Variants in CDKN2C observed in about 807,000 individuals in gnomAD.
The protein encoded by CDKN2C is cyclin-dependent kinase 4 inhibitor C.
CDKN2C carries 5 observed loss-of-function variants against 11.0 expected under a neutral mutation model. The observed-to-expected ratio is 0.45, with a 90% confidence interval of 0.24 to 0.95. CDKN2C has a LOEUF of 0.95. CDKN2C is among the 40% of genes least tolerant of loss of function. CDKN2C has a pLI of 0.21. For synonymous variants in CDKN2C, 79 were observed against 88.3 expected (o/e 0.89, Z 0.59); for missense variants, 161 against 211.9 (o/e 0.76, Z 1.49).
intron 1 of CDKN2C, among the ~76,000 whole-genome samples, chr1:50,963,139 A>G (rs1237756566): frequency 6.6e-6 from 1 of 152,180 alleles, no homozygotes; most frequent in Non-Finnish European, 1.5e-5. Context: ...GCCAGTAAGG[A>G]TCTTTCTCCT....
intron 1 of CDKN2C, among the ~76,000 whole-genome samples, chr1:50,972,037 G>GA (rs1645383631): frequency 6.6e-6 from 1 of 151,944 alleles, no homozygotes; most frequent in Non-Finnish European, 1.5e-5. Flanking sequence ...TATTTTCTGT[G>GA]AAAAAAGGTG....
intron 1 of CDKN2C, among the ~76,000 whole-genome samples, chr1:50,972,122 A>C (rs1349850845): frequency 1.3e-5 from 2 of 152,140 alleles, no homozygotes; most frequent in Non-Finnish European, 2.9e-5. Flanking sequence ...ACATTTTTCT[A>C]TCAGGTTAAT....
chr1:50,961,248 C>A (rs1645320508), intron 1 of CDKN2C, among the ~76,000 whole-genome samples: 1 of 152,186 alleles, frequency 6.6e-6, no homozygotes. Flanking sequence ...CTATGTTGGG[C>A]AAGCTGATCT....
rs769567434 is a variant in CDKN2C at position 50,974,047 on chromosome 1, A to T, written c.284A>T (p.Asp95Val). 1 of 1,614,076 alleles carries T rather than the reference A, an allele frequency of 6.2e-7. No individual in the cohort carries two copies. Among genetic ancestry groups the T allele is most frequent in the Non-Finnish European group, 8.5e-7 (1 of 1,180,034 alleles). ...TLQTLLEFQADVNIEDNEGNL... is the reference protein window; with the variant it reads ...TLQTLLEFQAVVNIEDNEGNL... Reference sequence around the variant, plus strand: ...CAGACTTTGCTGGAGTTTCAAGCTGATGTTAACATCGAGGATAATGAAGGG... The same window carrying T: ...CAGACTTTGCTGGAGTTTCAAGCTGTTGTTAACATCGAGGATAATGAAGGG... Residue 95 changes from aspartate to valine, a missense_variant, in exon 2 of 2, where the codon GAT becomes GTT. By Grantham distance (152) the Asp-to-Val change is radical. Coordinates refer to ENST00000371761, the MANE Select transcript of CDKN2C (RefSeq NM_078626.3).
At chr1:50,962,511 C>G (rs926436599) in intron 1 of CDKN2C, among the ~76,000 whole-genome samples, 2 of 152,158 alleles carry the variant, frequency 1.3e-5, no homozygotes, top group African/African-American at 4.8e-5. Context: ...TTCATATAGG[C>G]CACCCTCAGT....
upstream of CDKN2C, chr1:50,970,207 G>A: frequency 1.2e-6 from 1 of 813,268 alleles, no homozygotes; most frequent in South Asian, 1.7e-5. Context: ...GCTTTTGGCA[G>A]GCAGATCTTA....
chr1:50,966,116 G>T (rs888664402), upstream of CDKN2C, among the ~76,000 whole-genome samples: 2 of 150,618 alleles, frequency 1.3e-5, no homozygotes, highest in Non-Finnish European at 3.0e-5. Context: ...AGACTGCTGG[G>T]CCGCCACTGC....
chr1:50,973,958 G>C lies in CDKN2C; in HGVS notation c.195G>C (p.Leu65Phe), dbSNP rs757688233. The C allele has an allele frequency of 6.2e-7, 1 of 1,614,218 alleles. No individual in the cohort carries two copies. Among genetic ancestry groups the C allele is most frequent in the Non-Finnish European group, 8.5e-7 (1 of 1,180,044 alleles). ...TACTTAGAGGTGCTAATCCCGATTT[G>C]AAAGACCGAACTGGTTTCGCTGTCA... The part of the protein sequence containing the change: ...RLLLRGANPD[L>F]KDRTGFAVIH... Residue 65 changes from leucine to phenylalanine, a missense_variant, in exon 2 of 2, where the codon TTG (leucine) becomes TTC (phenylalanine). Physicochemically the swap from Leu to Phe is conservative, Grantham distance 22. Coordinates refer to ENST00000371761, the MANE Select transcript of CDKN2C (RefSeq NM_078626.3).
intron 1 of CDKN2C, among the ~76,000 whole-genome samples, chr1:50,961,928 G>C (rs1319391223): frequency 6.6e-6 from 1 of 152,256 alleles, no homozygotes; most frequent in Non-Finnish European, 1.5e-5. Flanking sequence ...GAAGTGCACT[G>C]TATTATGATC....
intron 1 of CDKN2C, among the ~76,000 whole-genome samples, chr1:50,962,740 T>C (rs1645331868): frequency 1.3e-5 from 2 of 152,264 alleles, no homozygotes; most frequent in African/African-American, 4.8e-5. Flanking sequence ...CATATATTAG[T>C]ACTGCTTTTC....
upstream of CDKN2C, chr1:50,968,676 C>G (rs931900744): frequency 1.3e-5 from 2 of 152,306 alleles, no homozygotes; most frequent in East Asian, 1.9e-4. Flanking sequence ...CCGGCCTTCC[C>G]GCTCCCGCGG....
rs999845442 is a variant in CDKN2C, at chr1:50,964,925, G to A, written c.-1975-3011G>A. Among the ~76,000 whole-genome samples the A allele has an allele frequency of 3.1e-4, 47 of 152,018 alleles. 1 individual carries two copies. The highest frequency in any genetic ancestry group is 4.6e-4 in the Admixed American group (7 of 15,256). ...AAAAATTAGCCGGGCGTGGTGGTGC[G>A]CACCTGTAATCCCAGGTACTCGGGG... On this transcript the variant is annotated intron_variant, in intron 1 of 3. Coordinates refer to the CDKN2C transcript ENST00000262662.
upstream of CDKN2C, chr1:50,970,190 G>A: frequency 1.4e-6 from 1 of 704,570 alleles, no homozygotes; most frequent in South Asian, 1.8e-5. Flanking sequence ...TGTGAATCGA[G>A]GGGCGGGCTT....
chr1:50,964,233 A>AT (rs1273395501), intron 1 of CDKN2C, among the ~76,000 whole-genome samples: 2 of 152,120 alleles, frequency 1.3e-5, no homozygotes, highest in Non-Finnish European at 1.5e-5. Context: ...ATAATACCAC[A>AT]TTACATTTAG....
intron 1 of CDKN2C, among the ~76,000 whole-genome samples, chr1:50,972,282 A>C (rs1055107629): frequency 6.6e-6 from 1 of 152,100 alleles, no homozygotes; most frequent in African/African-American, 2.4e-5. Context: ...GTTTCATTGA[A>C]GTTCTTGAAA....
chr1:50,961,911 A>C (rs1413305333), intron 1 of CDKN2C, among the ~76,000 whole-genome samples: 2 of 152,268 alleles, frequency 1.3e-5, no homozygotes, highest in African/African-American at 4.8e-5. Context: ...GTTTCACTGA[A>C]TATAAAGAAG....
At chr1:50,972,057 C>T (rs1013773123) in intron 1 of CDKN2C, among the ~76,000 whole-genome samples, 2 of 152,130 alleles carry the variant, frequency 1.3e-5, no homozygotes, top group Non-Finnish European at 2.9e-5. Context: ...GAATTTTCTT[C>T]TACAATTATG....
chr1:50,960,783 G>A (rs1401388392), exon 1 of CDKN2C: 1 of 152,202 alleles, frequency 6.6e-6, no homozygotes, highest in Non-Finnish European at 1.5e-5. Context: ...AGACATGGGA[G>A]AGACGAGGAA....
chr1:50,970,108 T>C (rs1223505595), upstream of CDKN2C: 2 of 533,496 alleles, frequency 3.7e-6, no homozygotes, highest in Non-Finnish European at 6.8e-6. Flanking sequence ...TCAGAATTCT[T>C]CATAGGGGTT....
Sources: allele counts gnomAD v4.1 joint callset (sites outside exome capture counted in the v4.1 genomes callset), GRCh38; gene constraint gnomAD v4.1.1; transcripts MANE v1.5; gene names NCBI Gene and HGNC (gene_info 2026-07-23, HGNC 2026-07-21).